Variants in LRP1B observed in about 807,000 individuals in gnomAD.
LRP1B encodes the protein low-density lipoprotein receptor-related protein 1B.
In LRP1B, 217 loss-of-function variants were observed where a neutral mutation model predicts 556.6. That is an observed-to-expected ratio of 0.39 (90% CI 0.35 to 0.44). The LOEUF (loss-of-function observed/expected upper bound fraction) is 0.44, where lower values mean the gene tolerates loss of function less well. LRP1B is among the 20% of genes least tolerant of loss of function. The pLI is 1.00. For synonymous variants in LRP1B, 2,047 were observed against 1,865.8 expected, an observed-to-expected ratio of 1.10 and a Z score of -2.50; for missense variants, 5,053 against 5,620.8, an observed-to-expected ratio of 0.90 and a Z score of 3.23.
intron 77 of LRP1B, among the ~76,000 whole-genome samples, chr2:140,340,834 A>G (rs1681354024): frequency 6.6e-6 from 1 of 151,440 alleles, no homozygotes; most frequent in Non-Finnish European, 1.5e-5. Flanking sequence ...ATTTAATTAC[A>G]TGTGTTCAGT....
At chr2:141,922,613 GTATT>G (rs1331805608) in intron 1 of LRP1B, among the ~76,000 whole-genome samples, 1 of 152,098 alleles carries the variant, frequency 6.6e-6, no homozygotes, top group East Asian at 1.9e-4. Flanking sequence ...TATAAAGAAG[GTATT>G]TAAACATTGA....
intron 41 of LRP1B, among the ~76,000 whole-genome samples, chr2:140,613,667 ACT>A (rs1683161509): frequency 6.6e-6 from 1 of 151,464 alleles, no homozygotes; most frequent in Non-Finnish European, 1.5e-5. Flanking sequence ...GACTTAATCC[ACT>A]CTTCTCTGCC....
chr2:141,920,505 C>T (rs900583004), intron 1 of LRP1B, among the ~76,000 whole-genome samples: 1 of 151,838 alleles, frequency 6.6e-6, no homozygotes, highest in African/African-American at 2.4e-5. Context: ...GAGGTGAACT[C>T]AATGTGCTGA....
chr2:141,842,315 G>T (rs111471337), intron 1 of LRP1B, among the ~76,000 whole-genome samples: 120 of 151,890 alleles, frequency 7.9e-4, no homozygotes, highest in African/African-American at 2.8e-3. Flanking sequence ...TTTGAGATTT[G>T]TCTACCACAG....
intron 66 of LRP1B, among the ~76,000 whole-genome samples, chr2:140,390,997 A>C (rs996310868): frequency 1.3e-5 from 2 of 152,146 alleles, no homozygotes; most frequent in African/African-American, 4.8e-5. Context: ...CATATCTACC[A>C]TGTGACTCAG....
At chr2:140,942,123 G>A (rs561342447) in intron 20 of LRP1B, among the ~76,000 whole-genome samples, 3 of 152,116 alleles carry the variant, frequency 2.0e-5, no homozygotes, top group African/African-American at 7.2e-5. Flanking sequence ...ATTGAAAAAT[G>A]TATGACAGGA....
intron 34 of LRP1B, among the ~76,000 whole-genome samples, chr2:140,770,354 T>C (rs1402675682): frequency 1.3e-5 from 2 of 151,986 alleles, no homozygotes; most frequent in Non-Finnish European, 2.9e-5. Flanking sequence ...GATCATTAGA[T>C]ATAAAAGATC....
intron 45 of LRP1B, among the ~76,000 whole-genome samples, chr2:140,538,560 G>GGT (rs1680015111): frequency 1.7e-5 from 2 of 117,424 alleles, no homozygotes; most frequent in Admixed American, 8.1e-5. Flanking sequence ...ATGTTCCAAA[G>GGT]ATATATTTCT....
At chr2:141,017,859 C>CG (rs1344912289) in intron 12 of LRP1B, among the ~76,000 whole-genome samples, 4 of 151,548 alleles carry the variant, frequency 2.6e-5, no homozygotes, top group African/African-American at 9.7e-5. Flanking sequence ...TAGCCAGGCA[C>CG]GGTGGCCTGT....
intron 1 of LRP1B, among the ~76,000 whole-genome samples, chr2:141,981,850 G>T (rs1316043553): frequency 6.6e-6 from 1 of 152,086 alleles, no homozygotes; most frequent in Admixed American, 6.6e-5. Flanking sequence ...AAAAGGAGGT[G>T]TGTCTTTCCC....
intron 2 of LRP1B, among the ~76,000 whole-genome samples, chr2:141,530,258 G>T (rs1483141): frequency 0.53 from 80,864 of 151,754 alleles, 22,481 homozygotes; most frequent in Non-Finnish European, 0.62. Flanking sequence ...TAAAGTTATG[G>T]GTTAGATTAT....
intron 19 of LRP1B, among the ~76,000 whole-genome samples, chr2:140,951,602 T>C (rs1365440927): frequency 1.3e-5 from 2 of 152,198 alleles, no homozygotes; most frequent in Non-Finnish European, 2.9e-5. Flanking sequence ...TACTACATGT[T>C]TGTAGAATTA....
chr2:141,259,975 G>T (rs560242195), intron 3 of LRP1B, among the ~76,000 whole-genome samples: 1 of 151,946 alleles, frequency 6.6e-6, no homozygotes, highest in Non-Finnish European at 1.5e-5. Context: ...CTGCCATATC[G>T]TATATACACT....
intron 2 of LRP1B, among the ~76,000 whole-genome samples, chr2:141,689,685 TTTTG>T (rs1211120815): frequency 6.6e-6 from 1 of 151,752 alleles, no homozygotes; most frequent in Admixed American, 6.6e-5. Context: ...GTGATGGAAA[TTTTG>T]TTTTTCTCAT....
At chr2:140,536,311 TAAAAA>T (rs70988404) in intron 46 of LRP1B, among the ~76,000 whole-genome samples, 32 of 61,892 alleles carry the variant, frequency 5.2e-4, no homozygotes, top group African/African-American at 1.4e-3. Context: ...CCCGTCTCTT[TAAAAA>T]AAAAAAAAAA....
chr2:141,578,396 C>CAAAAAAAAAA (rs554339088), intron 2 of LRP1B, among the ~76,000 whole-genome samples: 2 of 73,142 alleles, frequency 2.7e-5, no homozygotes, highest in Non-Finnish European at 5.3e-5. Context: ...GAGTCCTTCT[C>CAAAAAAAAAA]AAAAAAAAAA....
chr2:140,267,406 A>G (rs1682256201), intron 86 of LRP1B, among the ~76,000 whole-genome samples: 1 of 151,986 alleles, frequency 6.6e-6, no homozygotes, highest in Non-Finnish European at 1.5e-5. Context: ...CAGATAAAAA[A>G]TATGGCATTG....
At chr2:140,593,860 C>G (rs184779524) in intron 43 of LRP1B, among the ~76,000 whole-genome samples, 1 of 151,944 alleles carries the variant, frequency 6.6e-6, no homozygotes, top group Non-Finnish European at 1.5e-5. Flanking sequence ...TTTCTCTGGT[C>G]TACTGATAAG....
chr2:141,577,891 G>A (rs1559152666), intron 2 of LRP1B, among the ~76,000 whole-genome samples: 1 of 152,102 alleles, frequency 6.6e-6, no homozygotes, highest in African/African-American at 2.4e-5. Flanking sequence ...AATCAAGGCA[G>A]GAAGGAATGC....
Sources: gnomAD v4.1 joint callset for allele counts (sites outside exome capture counted in the v4.1 genomes callset) on GRCh38, gnomAD v4.1.1 for gene constraint, MANE v1.5 for transcripts, NCBI Gene and HGNC (gene_info 2026-07-23, HGNC 2026-07-21) for gene names.